Variants in DIAPH3 observed in about 807,000 individuals in gnomAD.
The protein encoded by DIAPH3 is protein diaphanous homolog 3.
Under a neutral mutation model 144.3 loss-of-function variants are expected in DIAPH3, and 117 were observed. The observed-to-expected ratio is 0.81, with a 90% confidence interval of 0.70 to 0.95. The LOEUF is 0.95. Among genes scored for constraint, DIAPH3 ranks in the 40% least tolerant of loss-of-function variants. The probability of loss-of-function intolerance (pLI) is 0.00; values close to 1 mark genes in which losing one functional copy is unlikely to be tolerated. For missense variants in DIAPH3, 1,421 were observed against 1,412.7 expected (o/e 1.01, Z -0.09); for synonymous variants, 519 against 488.9 (o/e 1.06, Z -0.81).
At chr13:60,040,627 T>G (rs1210611471) in intron 5 of DIAPH3, among the ~76,000 whole-genome samples, 2 of 152,206 alleles carry the variant, frequency 1.3e-5, no homozygotes, top group Non-Finnish European at 2.9e-5. Flanking sequence ...ATAAAGGGTC[T>G]ACTCCTCATT....
intron 24 of DIAPH3, among the ~76,000 whole-genome samples, chr13:59,825,593 T>G (rs1162425898): frequency 6.6e-6 from 1 of 152,164 alleles, no homozygotes; most frequent in Non-Finnish European, 1.5e-5. Context: ...TAGTTCTAGA[T>G]CCCTGAGGAA....
intron 27 of DIAPH3, among the ~76,000 whole-genome samples, chr13:59,706,209 G>T (rs1233200604): frequency 6.6e-6 from 1 of 151,958 alleles, no homozygotes; most frequent in Non-Finnish European, 1.5e-5. Context: ...ATAATAACAA[G>T]AAAAAAAGTC....
intron 9 of DIAPH3, 103 bp from the exon 10 acceptor site, chr13:59,992,686 C>A: frequency 1.1e-6 from 1 of 895,376 alleles, no homozygotes; most frequent in Non-Finnish European, 1.8e-6. Context: ...AAATATCTTT[C>A]CTATTAAAAC....
intron 4 of DIAPH3, among the ~76,000 whole-genome samples, chr13:60,073,371 T>C (rs1450902686): frequency 2.6e-5 from 4 of 151,938 alleles, no homozygotes; most frequent in African/African-American, 9.7e-5. Context: ...GCAAGAATTA[T>C]AACTGGGTGG....
intron 9 of DIAPH3, among the ~76,000 whole-genome samples, chr13:60,005,657 A>G (rs1450161741): frequency 6.6e-6 from 1 of 151,868 alleles, no homozygotes; most frequent in Non-Finnish European, 1.5e-5. Flanking sequence ...ATTTTTTTGT[A>G]TTTTTAGTAG....
intron 4 of DIAPH3, among the ~76,000 whole-genome samples, chr13:60,069,049 G>T (rs942595188): frequency 5.3e-5 from 8 of 152,082 alleles, no homozygotes; most frequent in African/African-American, 1.7e-4. Flanking sequence ...AGGTCTTTAA[G>T]GAAACACCAT....
intron 15 of DIAPH3, among the ~76,000 whole-genome samples, chr13:59,971,771 T>C (rs1395471990): frequency 6.6e-6 from 1 of 152,184 alleles, no homozygotes; most frequent in Non-Finnish European, 1.5e-5. Context: ...TCTGGTCTTG[T>C]AGGGGACTTT....
At chr13:59,750,344 T>G (rs1462342547) in intron 27 of DIAPH3, among the ~76,000 whole-genome samples, 1 of 152,310 alleles carries the variant, frequency 6.6e-6, no homozygotes, top group South Asian at 2.1e-4. Context: ...GAGGATATAA[T>G]AGTATAAATA....
chr13:60,141,858 T>C (rs1218893676), intron 1 of DIAPH3, among the ~76,000 whole-genome samples: 1 of 152,230 alleles, frequency 6.6e-6, no homozygotes, highest in Non-Finnish European at 1.5e-5. Context: ...CAGGTTGCAA[T>C]TTTAAACATG....
intron 18 of DIAPH3, among the ~76,000 whole-genome samples, chr13:59,924,284 CT>C (rs1306383371): frequency 6.6e-6 from 1 of 152,106 alleles, no homozygotes; most frequent in African/African-American, 2.4e-5. Context: ...CTACTCAGAA[CT>C]TTTGAGGAAA....
chr13:60,113,654 C>T (rs931437285), intron 2 of DIAPH3, among the ~76,000 whole-genome samples: 7 of 152,268 alleles, frequency 4.6e-5, no homozygotes, highest in East Asian at 1.9e-4. Flanking sequence ...TTGCTGTTGT[C>T]GTCAACCCAA....
chr13:59,904,009 A>T (rs1452586137), intron 20 of DIAPH3, among the ~76,000 whole-genome samples: 1 of 152,222 alleles, frequency 6.6e-6, no homozygotes, highest in Non-Finnish European at 1.5e-5. Flanking sequence ...ATTTAGAGAT[A>T]TGCACAGAGT....
chr13:60,127,288 T>G (rs1361152989), intron 2 of DIAPH3, among the ~76,000 whole-genome samples: 2 of 152,044 alleles, frequency 1.3e-5, no homozygotes, highest in Non-Finnish European at 2.9e-5. Flanking sequence ...ATAGGTAAAA[T>G]GTATGTCCTT....
intron 9 of DIAPH3, among the ~76,000 whole-genome samples, chr13:60,001,276 C>T (rs1451983911): frequency 2.0e-5 from 3 of 152,146 alleles, no homozygotes; most frequent in African/African-American, 7.2e-5. Flanking sequence ...ATTACCATTA[C>T]CTACACTTTA....
chr13:59,892,824 A>C (rs2045889081), intron 20 of DIAPH3, among the ~76,000 whole-genome samples: 1 of 152,106 alleles, frequency 6.6e-6, no homozygotes, highest in Non-Finnish European at 1.5e-5. Flanking sequence ...TAAACACTTC[A>C]ATTAAAAGGC....
chr13:60,041,857 C>T (rs1328837567), intron 5 of DIAPH3, among the ~76,000 whole-genome samples: 2 of 152,026 alleles, frequency 1.3e-5, no homozygotes, highest in Non-Finnish European at 2.9e-5. Flanking sequence ...TTCAAGAATA[C>T]TCTTGTTTAG....
intron 5 of DIAPH3, among the ~76,000 whole-genome samples, chr13:60,035,542 C>T (rs534122691): frequency 3.3e-5 from 5 of 152,098 alleles, no homozygotes; most frequent in Non-Finnish European, 5.9e-5. Context: ...CTTTCTTCCA[C>T]GACATTTTTT....
chr13:59,992,401 T>A, intron 10 of DIAPH3, 72 bp downstream of exon 10: 1 of 1,286,666 alleles, frequency 7.8e-7, no homozygotes, highest in Non-Finnish European at 1.1e-6. Flanking sequence ...TTCAAGGTAA[T>A]TTATCTAAAT....
chr13:59,751,220 TGAG>T lies in DIAPH3; in HGVS notation c.3319+22966_3319+22968del, dbSNP rs568591620. Among the ~76,000 whole-genome samples, 10 of 152,372 alleles carry T rather than the reference TGAG, an allele frequency of 6.6e-5. No homozygotes were observed. The East Asian group carries it at 1.7e-3, about 26-fold the overall frequency. On this transcript the variant is annotated intron_variant, in intron 27 of 27. Transcript: ENST00000400324. The stretch of plus-strand genomic sequence containing the variant: ...TGCCCAGACAACATAGGGCTTTGGC[TGAG>T]AAGAGTGTACTGCGTTATACCAAGT...
Sources: gnomAD v4.1 joint callset for allele counts (sites outside exome capture counted in the v4.1 genomes callset) on GRCh38, gnomAD v4.1.1 for gene constraint, MANE v1.5 for transcripts, NCBI Gene and HGNC (gene_info 2026-07-23, HGNC 2026-07-21) for gene names.